The following HERPUD2 variants were observed in gnomAD, a reference collection of about 807,000 sequenced individuals.
HERPUD2 encodes homocysteine-responsive endoplasmic reticulum-resident ubiquitin-like domain member 2 protein.
HERPUD2 carries 13 observed loss-of-function variants against 49.9 expected under a neutral mutation model. That is an observed-to-expected ratio of 0.26 (90% CI 0.17 to 0.41). HERPUD2 has a LOEUF of 0.41. Ranked by LOEUF, HERPUD2 falls within the 10% of genes least tolerant of loss-of-function variation. The pLI, the probability that HERPUD2 is intolerant of heterozygous loss-of-function variation, is 1.00. For synonymous variants in HERPUD2, 172 were observed against 171.4 expected, an observed-to-expected ratio of 1.00 and a Z score of -0.03; for missense variants, 449 against 492.2, an observed-to-expected ratio of 0.91 and a Z score of 0.83.
In HERPUD2 at chr7:35,638,481, A is replaced by C. The variant is rs774415498; in HGVS notation, c.495-9T>G. 6.2e-7 allele frequency: 1 copy of C among 1,611,304 alleles called. No homozygotes were observed. The highest frequency in any genetic ancestry group is 1.1e-5 in the South Asian group (1 of 90,728). On this transcript the variant is annotated splice_polypyrimidine_tract_variant and intron_variant, in intron 5 of 8. Transcript: ENST00000311350. ...ATTGGTTGTCTACATTTCTGCAAGAAATAAATAATGAGCTCTTTTAATGCT... is the reference window on the plus strand; with the variant it reads ...ATTGGTTGTCTACATTTCTGCAAGACATAAATAATGAGCTCTTTTAATGCT...
intron 5 of HERPUD2, among the ~76,000 whole-genome samples, chr7:35,639,896 G>T (rs1371404458): frequency 2.0e-5 from 3 of 151,966 alleles, no homozygotes; most frequent in African/African-American, 7.2e-5. Flanking sequence ...AGCCACATAG[G>T]GTCCCATCCT....
At position 35,667,472 on chromosome 7, in the gene HERPUD2, G is replaced by A; in HGVS notation, c.456C>T (p.Asp152=). 2 of 1,613,798 alleles carry A rather than the reference G, an allele frequency of 1.2e-6. No individual in the cohort carries two copies. Among genetic ancestry groups the A allele is most frequent in the African/African-American group, 1.3e-5 (1 of 75,008 alleles). Residue 152 remains aspartate (D), a synonymous_variant, in exon 5 of 9, where the codon GAC becomes GAT. Transcript: ENST00000311350. ...RQRTLPQAQT[D]QAQSHQFPYV... ...ATGGAAACTGGTGACTCTGTGCTTG[G>A]TCAGTTTGTGCTTGTGGAAGGGTAC...
intron 5 of HERPUD2, among the ~76,000 whole-genome samples, chr7:35,640,288 T>TC (rs1402533436): frequency 6.6e-6 from 1 of 152,118 alleles, no homozygotes; most frequent in East Asian, 1.9e-4. Flanking sequence ...AAAAAACCCA[T>TC]CCCCTTGAAA....
intron 5 of HERPUD2, among the ~76,000 whole-genome samples, chr7:35,655,083 C>T (rs760890266): frequency 2.2e-4 from 34 of 152,088 alleles, no homozygotes; most frequent in Non-Finnish European, 4.6e-4. Context: ...AAACTTCTGG[C>T]CTCAAGCAAT....
intron 6 of HERPUD2, among the ~76,000 whole-genome samples, chr7:35,635,872 G>T (rs1404929512): frequency 1.3e-5 from 2 of 152,052 alleles, no homozygotes; most frequent in Non-Finnish European, 2.9e-5. Context: ...GTTTTGAAAG[G>T]CTTGTCTAAA....
At chr7:35,694,699 A>C in intron 1 of HERPUD2, 72 bp from the exon 2 acceptor site, 1 of 233,190 alleles carries the variant, frequency 4.3e-6, no homozygotes, top group Non-Finnish European at 8.7e-6. Flanking sequence ...CCCCACCGCG[A>C]CCCCCAAGCT....
chr7:35,689,327 C>G (rs1385194138), intron 2 of HERPUD2, among the ~76,000 whole-genome samples: 1 of 152,086 alleles, frequency 6.6e-6, no homozygotes, highest in Admixed American at 6.5e-5. Flanking sequence ...GAACTATATT[C>G]CCAGGCGACA....
chr7:35,679,034 G>A (rs1003867450), intron 2 of HERPUD2, among the ~76,000 whole-genome samples: 10 of 151,956 alleles, frequency 6.6e-5, no homozygotes, highest in Non-Finnish European at 1.3e-4. Flanking sequence ...AATTTTTCAC[G>A]GAAACAATAG....
intron 4 of HERPUD2, among the ~76,000 whole-genome samples, chr7:35,669,988 T>C (rs1424398559): frequency 2.0e-5 from 3 of 151,966 alleles, no homozygotes; most frequent in Non-Finnish European, 4.4e-5. Context: ...TGACCTGCCA[T>C]ACAGCAAATT....
chr7:35,657,499 G>GT (rs1785299693), intron 5 of HERPUD2, among the ~76,000 whole-genome samples: 2 of 148,872 alleles, frequency 1.3e-5, no homozygotes, highest in Non-Finnish European at 3.0e-5. Context: ...GCTCATACGT[G>GT]TAATTCCAGT....
At chr7:35,690,846 C>T (rs1786167058) in intron 2 of HERPUD2, among the ~76,000 whole-genome samples, 1 of 152,062 alleles carries the variant, frequency 6.6e-6, no homozygotes, top group Non-Finnish European at 1.5e-5. Flanking sequence ...AGGAAGCTAT[C>T]AGAGTCTGAT....
chr7:35,694,551 G>A lies in HERPUD2; in HGVS notation c.-221C>T. The A allele has an allele frequency of 1.8e-6, 1 of 563,996 alleles. No individual in the cohort carries two copies. Among genetic ancestry groups the A allele is most frequent in the Non-Finnish European group, 3.2e-6 (1 of 316,198 alleles). The allele number at this position is 563,996 out of a possible 1,614,324, so 34.9% of individuals were successfully genotyped here. ...GACGGTGGGGTCTGGGTGCCCGGCCGTGGAGGCAGCTCTCCCCGCCAGGTC... is the reference window on the plus strand; with the variant it reads ...GACGGTGGGGTCTGGGTGCCCGGCCATGGAGGCAGCTCTCCCCGCCAGGTC... On this transcript the variant is annotated 5_prime_UTR_variant, in exon 2 of 9. In the 5' UTR this introduces an upstream ATG that the reference lacks. Coordinates refer to ENST00000311350, the MANE Select transcript of HERPUD2 (RefSeq NM_022373.5).
intron 2 of HERPUD2, among the ~76,000 whole-genome samples, chr7:35,686,043 C>A (rs1265164399): frequency 2.6e-5 from 4 of 152,012 alleles, no homozygotes; most frequent in Non-Finnish European, 5.9e-5. Flanking sequence ...TGACAATAAT[C>A]AACTGAATTT....
intron 4 of HERPUD2, among the ~76,000 whole-genome samples, chr7:35,668,371 A>G (rs548040240): frequency 1.3e-5 from 2 of 152,350 alleles, no homozygotes; most frequent in South Asian, 4.1e-4. Context: ...CATAAACAAT[A>G]TAACTCCCTG....
chr7:35,660,271 C>A (rs1785385109), intron 5 of HERPUD2, among the ~76,000 whole-genome samples: 1 of 152,184 alleles, frequency 6.6e-6, no homozygotes, highest in Non-Finnish European at 1.5e-5. Context: ...TTAATCCAGT[C>A]TATCATTGAT....
chr7:35,634,260 C>T (rs2305334), intron 8 of HERPUD2, 52 bp downstream of exon 8: 166,856 of 1,137,978 alleles, frequency 0.15, 13,931 homozygotes, highest in East Asian at 0.32. Context: ...GGTCCCATAC[C>T]GTGCTGGGAA....
chr7:35,674,385 A>ATATATG (rs1785706206), intron 2 of HERPUD2, among the ~76,000 whole-genome samples: 1 of 48,336 alleles, frequency 2.1e-5, no homozygotes, highest in Non-Finnish European at 3.9e-5. Context: ...CAACCTATAT[A>ATATATG]TATATATATA....
At chr7:35,638,314 C>A (rs779503497) in intron 6 of HERPUD2, 36 bp downstream of exon 6, 1 of 1,543,506 alleles carries the variant, frequency 6.5e-7, no homozygotes, top group Non-Finnish European at 8.8e-7. Context: ...AAATAACACA[C>A]TGAGTAACTT....
At chr7:35,636,255 T>C (rs1583534568) in intron 6 of HERPUD2, among the ~76,000 whole-genome samples, 3 of 152,350 alleles carry the variant, frequency 2.0e-5, no homozygotes, top group Admixed American at 2.0e-4. Flanking sequence ...TACCTTGTTA[T>C]GTTTTTAAAT....
Sources: gnomAD v4.1 joint callset for allele counts (sites outside exome capture counted in the v4.1 genomes callset) on GRCh38, gnomAD v4.1.1 for gene constraint, MANE v1.5 for transcripts, NCBI Gene and HGNC (gene_info 2026-07-23, HGNC 2026-07-21) for gene names.